The following FBLN1 variants were observed in gnomAD, a reference collection of about 807,000 sequenced individuals.
FBLN1 encodes the protein fibulin 1.
In FBLN1, 34 loss-of-function variants were observed where a neutral mutation model predicts 89.7. The observed-to-expected ratio is 0.38, with a 90% confidence interval of 0.29 to 0.50. FBLN1 has a LOEUF of 0.50. FBLN1 is among the 20% of genes least tolerant of loss of function. The probability of loss-of-function intolerance (pLI) is 0.92; values close to 1 mark genes in which losing one functional copy is unlikely to be tolerated. For synonymous variants in FBLN1, 393 were observed against 391.3 expected (o/e 1.00, Z -0.05); for missense variants, 777 against 988.1 (o/e 0.79, Z 2.86).
chr22:45,563,978 G>A lies in FBLN1; in HGVS notation c.1698-10533G>A, dbSNP rs1180613907. Reference sequence around the variant, plus strand: ...CTGAGGATCCTGGCCCTGTGCCGGGGGGAGGCAAAGGACCACACAATACAT... The same window carrying A: ...CTGAGGATCCTGGCCCTGTGCCGGGAGGAGGCAAAGGACCACACAATACAT... On this transcript the variant is annotated intron_variant, in intron 14 of 16. Transcript: ENST00000327858. This position sits in a 1 kb window ranked among gnomAD's most constrained non-coding sequence, Gnocchi z 5.7. Among the ~76,000 whole-genome samples, 1 of 152,210 alleles carries A rather than the reference G, an allele frequency of 6.6e-6. No individual in the cohort carries two copies. The highest frequency in any genetic ancestry group is 1.5e-5 in the Non-Finnish European group (1 of 68,036).
In FBLN1 at chr22:45,547,125, T is replaced by C. The variant is rs1458185375; in HGVS notation, c.1362T>C (p.Cys454=). 6.2e-7 allele frequency: 1 copy of C among 1,614,122 alleles called. No homozygotes were observed. The highest frequency in any genetic ancestry group is 8.5e-7 in the Non-Finnish European group (1 of 1,180,024). ...GCAGCAGCCCCTGTAGCCAGGAGTGTGCCAACGTCTACGGCTCCTACCAGT... is the reference window on the plus strand; with the variant it reads ...GCAGCAGCCCCTGTAGCCAGGAGTGCGCCAACGTCTACGGCTCCTACCAGT... The part of the protein sequence containing the change: ...ECSSSPCSQE[C]ANVYGSYQCY... The change falls in exon 12 of 17, where the codon TGT becomes TGC. Residue 454 remains cysteine, a synonymous_variant. Coordinates refer to ENST00000327858, the MANE Select transcript of FBLN1 (RefSeq NM_006486.3).
Position 45,518,736 on chromosome 22 carries a change from C to G in FBLN1, c.134C>G (p.Thr45Ser). The G allele has an allele frequency of 6.2e-7, 1 of 1,612,400 alleles. No homozygotes were observed. The highest frequency in any genetic ancestry group is 1.1e-5 in the South Asian group (1 of 90,530). Reference protein sequence around the residue: ...ACCADGHRMATHQKDCSLPYA... With the variant: ...ACCADGHRMASHQKDCSLPYA... ...TGTGCGGACGGACACCGGATGGCCA[C>G]TCATCAGAAGGACTGCTCGCTGCCA... Residue 45 changes from threonine to serine, a missense_variant, in exon 2 of 17, where the codon ACT becomes AGT. Physicochemically the swap from Thr to Ser is moderately conservative, Grantham distance 58. Transcript: ENST00000327858.
Position 45,543,430 on chromosome 22 carries a change from C to T in FBLN1, c.1225C>T (p.Arg409Cys), listed in dbSNP as rs1218807619. Reference sequence around the variant, plus strand: ...CAACGAGTGCCAGCGCTACCCCGGGCGCCTGTGTGGCCACAAGTGCGAGAA... The same window carrying T: ...CAACGAGTGCCAGCGCTACCCCGGGTGCCTGTGTGGCCACAAGTGCGAGAA... Reference protein sequence around the residue: ...DVNECQRYPGRLCGHKCENTL... With the variant: ...DVNECQRYPGCLCGHKCENTL... Residue 409 changes from arginine to cysteine, a missense_variant, in exon 11 of 17, where the codon CGC (arginine) becomes TGC (cysteine). Coordinates refer to ENST00000327858, the MANE Select transcript of FBLN1 (RefSeq NM_006486.3). 2.5e-6 allele frequency: 4 copies of T among 1,613,426 alleles called. No individual in the cohort carries two copies. Among genetic ancestry groups the T allele is most frequent in the African/African-American group, 1.3e-5 (1 of 74,918 alleles).
rs139231866 is a variant in FBLN1, at chr22:45,594,166, G to A, written c.1973-6141G>A. Among the ~76,000 whole-genome samples the A allele has an allele frequency of 5.5e-4, 83 of 152,288 alleles. 1 individual carries two copies. Among genetic ancestry groups the A allele is most frequent in the Non-Finnish European group, 2.9e-4 (20 of 68,024 alleles). On this transcript the variant is annotated intron_variant, in intron 16 of 16. Transcript: ENST00000327858. ...TGGCAGCTCTCATGTTTGCGATGCT[G>A]CATGTGGGCAGCGAGTGTTCCTTGC...
At chr22:45,552,559 A>G (rs1343379228) in intron 14 of FBLN1, among the ~76,000 whole-genome samples, 1 of 152,198 alleles carries the variant, frequency 6.6e-6, no homozygotes, top group Admixed American at 6.5e-5. Context: ...TCAGAAAGCA[A>G]TTTTTAAAAT....
chr22:45,573,552 G>A (rs191006849), intron 14 of FBLN1, among the ~76,000 whole-genome samples: 10,294 of 149,716 alleles, frequency 0.069, 434 homozygotes, highest in South Asian at 0.097. Flanking sequence ...ATGGTGGCAT[G>A]CGCCTGTAAT....
At position 45,537,337 on chromosome 22, in the gene FBLN1, G is replaced by T. The variant is rs2088495275; in HGVS notation, c.922+2000G>T. ...GAGATATTTAAAGATAAGTGGATGT[G>T]GCCGGGCACAGTGACTCACGCCTGT... On this transcript the variant is annotated intron_variant, in intron 8 of 16. Transcript: ENST00000327858. This position sits in a 1 kb window ranked among gnomAD's most constrained non-coding sequence, Gnocchi z 5.7. Among the ~76,000 whole-genome samples, 1 of 152,162 alleles carries T rather than the reference G, an allele frequency of 6.6e-6. No homozygotes were observed. Among genetic ancestry groups the T allele is most frequent in the Admixed American group, 6.5e-5 (1 of 15,278 alleles).
chr22:45,562,982 C>T lies in FBLN1; in HGVS notation c.1698-11529C>T. 2 of 1,613,922 alleles carry T rather than the reference C, an allele frequency of 1.2e-6. No individual in the cohort carries two copies. The highest frequency in any genetic ancestry group is 1.7e-6 in the Non-Finnish European group (2 of 1,180,006). On this transcript the variant is annotated intron_variant, in intron 14 of 16. Transcript: ENST00000327858. The surrounding 1 kb of genome is among the most constrained non-coding windows in gnomAD (Gnocchi z 7.8). Reference sequence around the variant, plus strand: ...GCTGCCTCTGAGAATAACCTACTACCACCTCTCTTTCCCCACCAACATCCA... The same window carrying T: ...GCTGCCTCTGAGAATAACCTACTACTACCTCTCTTTCCCCACCAACATCCA...
At chr22:45,584,874 C>T (rs898919972) in intron 16 of FBLN1, among the ~76,000 whole-genome samples, 19 of 152,240 alleles carry the variant, frequency 1.2e-4, no homozygotes, top group African/African-American at 4.6e-4. Flanking sequence ...GGAAGCAAGT[C>T]AGCAAGCAGG....
chr22:45,523,464 A>T (rs2088278402), intron 2 of FBLN1, among the ~76,000 whole-genome samples: 1 of 152,208 alleles, frequency 6.6e-6, no homozygotes, highest in African/African-American at 2.4e-5. Flanking sequence ...CCACTTCGGG[A>T]GGCTGAGGCG....
chr22:45,511,417 G>A (rs1429716253), intron 1 of FBLN1, among the ~76,000 whole-genome samples: 5 of 149,496 alleles, frequency 3.3e-5, no homozygotes, highest in Non-Finnish European at 5.9e-5. Context: ...GCCTCTCAAA[G>A]TGCTGGGATT....
intron 16 of FBLN1, among the ~76,000 whole-genome samples, chr22:45,600,034 A>G (rs1224099311): frequency 2.0e-5 from 3 of 152,242 alleles, no homozygotes; most frequent in Non-Finnish European, 4.4e-5. Flanking sequence ...CACACCCACA[A>G]CTTTCCTCCA....
intron 1 of FBLN1, among the ~76,000 whole-genome samples, chr22:45,504,458 G>A (rs1306652771): frequency 2.0e-5 from 3 of 152,118 alleles, no homozygotes; most frequent in Admixed American, 1.3e-4. Context: ...AGGGGAGCGC[G>A]GGAAGAGGGC....
chr22:45,548,192 G>A (rs986003169), intron 12 of FBLN1, among the ~76,000 whole-genome samples: 4 of 152,136 alleles, frequency 2.6e-5, no homozygotes, highest in African/African-American at 9.7e-5. Flanking sequence ...TGGGCCCACA[G>A]GCATGCACCA....
chr22:45,565,040 A>G lies in FBLN1; in HGVS notation c.1698-9471A>G, dbSNP rs765952472. ...ACAGTCAGCTCCACACCTTGCGCTG[A>G]GCAGCTGTGATTGTGCCACGGGAGC... On this transcript the variant is annotated intron_variant, in intron 14 of 16. Coordinates refer to ENST00000327858, the MANE Select transcript of FBLN1 (RefSeq NM_006486.3). 3.1e-6 allele frequency: 5 copies of G among 1,610,712 alleles called. No homozygotes were observed. The African/African-American group carries it at 6.7e-5, about 22-fold the overall frequency.
chr22:45,525,438 C>G (rs530469232), intron 2 of FBLN1, 105 bp from the exon 3 acceptor site: 1 of 993,768 alleles, frequency 1.0e-6, no homozygotes, highest in Non-Finnish European at 1.5e-6. Flanking sequence ...TCTGTGGGAG[C>G]AGGGAAGGGG....
rs764616641 is a variant in FBLN1, at chr22:45,535,278, G to A, written c.863G>A (p.Cys288Tyr). Residue 288 changes from cysteine to tyrosine, a missense_variant, in exon 8 of 17, where the codon TGC becomes TAC. Coordinates refer to ENST00000327858, the MANE Select transcript of FBLN1 (RefSeq NM_006486.3). ...CAGAATACTCTGGGATCCTTCCGCT[G>A]CCGACCCAAGCTACAGTGCAAGAGT... ...ICQNTLGSFR[C>Y]RPKLQCKSGF... 1 of 1,614,162 alleles carries A rather than the reference G, an allele frequency of 6.2e-7. No homozygotes were observed. The highest frequency in any genetic ancestry group is 8.5e-7 in the Non-Finnish European group (1 of 1,180,020).
At chr22:45,547,288 C>A in intron 12 of FBLN1, 84 bp downstream of exon 12, 1 of 1,571,542 alleles carries the variant, frequency 6.4e-7, no homozygotes. Context: ...CTTTCAAAAT[C>A]CACAGGGAAG....
intron 4 of FBLN1, among the ~76,000 whole-genome samples, chr22:45,529,895 T>C (rs547000604): frequency 2.7e-4 from 41 of 150,810 alleles, no homozygotes; most frequent in Admixed American, 5.9e-4. Context: ...AATAAAGAGG[T>C]GGGGAGGTGC....
Sources: gnomAD v4.1 joint callset for allele counts (sites outside exome capture counted in the v4.1 genomes callset) on GRCh38, gnomAD v4.1.1 for gene constraint, Gnocchi (gnomAD v3.1) non-coding constraint, MANE v1.5 for transcripts, NCBI Gene and HGNC (gene_info 2026-07-23, HGNC 2026-07-21) for gene names.